Variants in C15orf39 observed in about 807,000 individuals in gnomAD.
The protein encoded by C15orf39 is PRMT2 interacting protein.
C15orf39 carries 24 observed loss-of-function variants against 53.9 expected under a neutral mutation model. That is an observed-to-expected ratio of 0.45 (90% CI 0.32 to 0.63). The LOEUF (loss-of-function observed/expected upper bound fraction) is 0.63, where lower values mean the gene tolerates loss of function less well. Ranked by LOEUF, C15orf39 falls within the 20% of genes least tolerant of loss-of-function variation. C15orf39 has a pLI of 0.04. For missense variants in C15orf39, 1,271 were observed against 1,347.9 expected, an observed-to-expected ratio of 0.94 and a Z score of 0.89; for synonymous variants, 569 against 576.5, an observed-to-expected ratio of 0.99 and a Z score of 0.19.
chr15:75,199,732 G>A (rs577914102), upstream of C15orf39, among the ~76,000 whole-genome samples: 1 of 152,144 alleles, frequency 6.6e-6, no homozygotes, highest in Non-Finnish European at 1.5e-5. Flanking sequence ...GTAGTGGTAG[G>A]GGTGGGGTGG....
intron 2 of C15orf39, among the ~76,000 whole-genome samples, 196 bp from the exon 3 acceptor site, chr15:75,210,549 CAGAT>C (rs2070475712): frequency 6.6e-6 from 1 of 152,216 alleles, no homozygotes; most frequent in African/African-American, 2.4e-5. Flanking sequence ...GTGCCCTCAT[CAGAT>C]AGAGTTCTGG....
At position 75,208,219 on chromosome 15, in the gene C15orf39, C is replaced by T. The variant is rs1390439318; in HGVS notation, c.2171C>T (p.Ala724Val). Residue 724 changes from alanine to valine, a missense_variant, in exon 2 of 3, where the codon GCT becomes GTT. Around this residue, in one of 2 missense-constraint regions of C15orf39, gnomAD observed 994 missense variants for 993.7 expected, o/e 1.00. Coordinates refer to ENST00000394987, the MANE Select transcript of C15orf39 (RefSeq NM_015492.5). ...VAVASPAPAP[A>V]PSPAPARAQA... ...GTGGCCTCCCCTGCCCCTGCTCCAG[C>T]TCCATCCCCTGCTCCGGCTCGAGCT... The T allele has an allele frequency of 6.2e-7, 1 of 1,613,374 alleles. No homozygotes were observed. The highest frequency in any genetic ancestry group is 8.5e-7 in the Non-Finnish European group (1 of 1,179,782).
chr15:75,202,031 G>A lies in C15orf39; in HGVS notation c.-79G>A, dbSNP rs2070405911. 1 of 152,084 alleles carries A rather than the reference G, an allele frequency of 6.6e-6. No homozygotes were observed. Among genetic ancestry groups the A allele is most frequent in the Non-Finnish European group, 1.5e-5 (1 of 68,014 alleles). The allele number at this position is 152,084 out of a possible 1,614,324, so 9.4% of individuals were successfully genotyped here. On this transcript the variant is annotated 5_prime_UTR_variant, in exon 1 of 3. Transcript: ENST00000394987. Reference sequence around the variant, plus strand: ...GCGGACGCGGAGGCCGCCTGGGGTAGCGGCGGCGGGAGTCCTGGCGCTCTG... The same window carrying A: ...GCGGACGCGGAGGCCGCCTGGGGTAACGGCGGCGGGAGTCCTGGCGCTCTG...
intron 1 of C15orf39, 95 bp downstream of exon 1, chr15:75,202,154 C>T (rs2070407583): frequency 6.6e-6 from 1 of 152,080 alleles, no homozygotes; most frequent in Admixed American, 6.5e-5. Flanking sequence ...CAGGGCGCCC[C>T]TACCGGCCGG....
At position 75,211,132 on chromosome 15, in the gene C15orf39, C is replaced by T. The variant is rs779053876; in HGVS notation, c.*16C>T. On this transcript the variant is annotated 3_prime_UTR_variant, in exon 3 of 3. Coordinates refer to ENST00000394987, the MANE Select transcript of C15orf39 (RefSeq NM_015492.5). ...TCACCTGTAGCACTGGTTGCCAGTGCTGTGTGTATAGCAGTCACTCTCCAC... is the reference window on the plus strand; with the variant it reads ...TCACCTGTAGCACTGGTTGCCAGTGTTGTGTGTATAGCAGTCACTCTCCAC... 1.3e-6 allele frequency: 2 copies of T among 1,585,956 alleles called. No individual in the cohort carries two copies. The highest frequency in any genetic ancestry group is 1.7e-6 in the Non-Finnish European group (2 of 1,172,152).
At position 75,207,998 on chromosome 15, in the gene C15orf39, G is replaced by A. The variant is rs2070453635; in HGVS notation, c.1950G>A (p.Met650Ile). The A allele has an allele frequency of 6.2e-7, 1 of 1,614,054 alleles. No individual in the cohort carries two copies. The highest frequency in any genetic ancestry group is 8.5e-7 in the Non-Finnish European group (1 of 1,180,034). ...ACTTCCACAGCTCTGTGGCCTTCAT[G>A]TTCCGAAAGTTCAAGATCCTCCGTC... ...RTNFHSSVAF[M>I]FRKFKILRPA... is the part of the protein sequence containing the mutation. Residue 650 changes from methionine to isoleucine, a missense_variant, in exon 2 of 3, where the codon ATG (methionine) becomes ATA (isoleucine). Coordinates refer to ENST00000394987, the MANE Select transcript of C15orf39 (RefSeq NM_015492.5).
intron 1 of C15orf39, among the ~76,000 whole-genome samples, chr15:75,204,364 G>A (rs959154863): frequency 1.3e-5 from 2 of 152,238 alleles, no homozygotes; most frequent in African/African-American, 2.4e-5. Context: ...CCTTGGTCTT[G>A]TCTTAGAGCT....
Position 75,208,611 on chromosome 15 carries a change from C to T in C15orf39, c.2563C>T (p.Pro855Ser). The T allele has an allele frequency of 1.3e-6, 2 of 1,586,622 alleles. No individual in the cohort carries two copies. The highest frequency in any genetic ancestry group is 1.7e-6 in the Non-Finnish European group (2 of 1,167,328). Residue 855 changes from proline to serine, a missense_variant, in exon 2 of 3, where the codon CCT becomes TCT. This residue lies in a region of C15orf39 where 277 missense variants were observed against 354.1 expected (regional missense o/e 0.78). Transcript: ENST00000394987. ...PIHLVKERLF[P>S]RLPPASVDHV... ...TCACCTGGTGAAGGAGCGGCTCTTCCCTCGGCTGCCACCCGCTTCTGTGGA... is the reference window on the plus strand; with the variant it reads ...TCACCTGGTGAAGGAGCGGCTCTTCTCTCGGCTGCCACCCGCTTCTGTGGA...
At position 75,207,473 on chromosome 15, in the gene C15orf39, A is replaced by G. The variant is rs755706572; in HGVS notation, c.1425A>G (p.Ala475=). The G allele has an allele frequency of 1.2e-6, 2 of 1,612,018 alleles. No individual in the cohort carries two copies. The highest frequency in any genetic ancestry group is 2.2e-5 in the East Asian group (1 of 44,766). ...RDSPVPCTPP[A]LPPCARECQS... ...GTCCAGTTCCCTGTACCCCCCCAGC[A>G]CTGCCCCCCTGTGCCCGGGAGTGCC... The change falls in exon 2 of 3, where the codon GCA becomes GCG. Residue 475 remains alanine (A), a synonymous_variant. Coordinates refer to ENST00000394987, the MANE Select transcript of C15orf39 (RefSeq NM_015492.5).
rs1021550700 is a variant in C15orf39 at position 75,208,221 on chromosome 15, C to T, written c.2173C>T (p.Pro725Ser). The change falls in exon 2 of 3, where the codon CCA becomes TCA. Residue 725 changes from proline (P) to serine (S), a missense_variant. Physicochemically the swap from Pro to Ser is moderately conservative, Grantham distance 74 (BLOSUM62 -1). Coordinates refer to ENST00000394987, the MANE Select transcript of C15orf39 (RefSeq NM_015492.5). ...GGCCTCCCCTGCCCCTGCTCCAGCT[C>T]CATCCCCTGCTCCGGCTCGAGCTCA... ...AVASPAPAPA[P>S]SPAPARAQAP... The T allele has an allele frequency of 1.2e-6, 2 of 1,613,006 alleles. No homozygotes were observed. The highest frequency in any genetic ancestry group is 2.7e-5 in the African/African-American group (2 of 74,888).
chr15:75,206,643 T>C lies in C15orf39; in HGVS notation c.595T>C (p.Ser199Pro). The change falls in exon 2 of 3, where the codon TCC becomes CCC. Residue 199 changes from serine (S) to proline (P), a missense_variant. By Grantham distance (74) the Ser-to-Pro change is moderately conservative. Transcript: ENST00000394987. The stretch of plus-strand genomic sequence containing the variant: ...CTTGCGGGGGGTGCCAGCTGAGGGG[T>C]CCAGTAAAGACTCCTCAGGGAGCTT... ...TFLRGVPAEG[S>P]SKDSSGSFSP... The C allele has an allele frequency of 1.1e-5, 17 of 1,613,038 alleles. No homozygotes were observed. The highest frequency in any genetic ancestry group is 1.4e-5 in the Non-Finnish European group (17 of 1,179,800).
At position 75,207,061 on chromosome 15, in the gene C15orf39, T is replaced by C. The variant is rs1377178303; in HGVS notation, c.1013T>C (p.Leu338Pro). The C allele has an allele frequency of 1.9e-6, 3 of 1,610,346 alleles. No homozygotes were observed. Among genetic ancestry groups the C allele is most frequent in the African/African-American group, 1.3e-5 (1 of 74,802 alleles). The change falls in exon 2 of 3, where the codon CTG (leucine) becomes CCG (proline). Residue 338 changes from leucine to proline, a missense_variant. Leu to Pro is a moderately conservative substitution (Grantham distance 98). Coordinates refer to ENST00000394987, the MANE Select transcript of C15orf39 (RefSeq NM_015492.5). ...GCCCAGGCACCTTACATTCCCCCAC[T>C]GGGGCTGGACGCTTACCCCTACCCC... The part of the protein sequence containing the change: ...QAAQAPYIPP[L>P]GLDAYPYPSA...
Position 75,210,783 on chromosome 15 carries a change from C to T in C15orf39, c.2811C>T (p.Ser937=). 1 of 1,613,262 alleles carries T rather than the reference C, an allele frequency of 6.2e-7. No individual in the cohort carries two copies. ...DFDTEAGAVS[S]SEPTVARGEP... Reference sequence around the variant, plus strand: ...ACACTGAGGCTGGAGCTGTGTCCTCCTCAGAGCCCACTGTGGCCAGAGGTG... The same window carrying T: ...ACACTGAGGCTGGAGCTGTGTCCTCTTCAGAGCCCACTGTGGCCAGAGGTG... The change falls in exon 3 of 3, where the codon TCC becomes TCT. Residue 937 remains serine, a synonymous_variant. Coordinates refer to ENST00000394987, the MANE Select transcript of C15orf39 (RefSeq NM_015492.5).
intron 1 of C15orf39, among the ~76,000 whole-genome samples, chr15:75,205,547 G>A (rs2070431445): frequency 6.6e-6 from 1 of 152,160 alleles, no homozygotes; most frequent in African/African-American, 2.4e-5. Flanking sequence ...GTCAGGAGCA[G>A]TAGGTGGTTC....
rs150714455 is a variant in C15orf39 at position 75,207,989 on chromosome 15, G to A, written c.1941G>A (p.Val647=). The change falls in exon 2 of 3, where the codon GTG becomes GTA. Residue 647 remains valine (V), a synonymous_variant. Coordinates refer to ENST00000394987, the MANE Select transcript of C15orf39 (RefSeq NM_015492.5). ...AMPRTNFHSS[V]AFMFRKFKIL... is the part of the protein sequence containing the mutation. ...CAAGGACCAACTTCCACAGCTCTGT[G>A]GCCTTCATGTTCCGAAAGTTCAAGA... 5.9e-5 allele frequency: 96 copies of A among 1,613,924 alleles called. No individual in the cohort carries two copies. The highest frequency in any genetic ancestry group is 6.9e-5 in the Non-Finnish European group (82 of 1,180,048).
chr15:75,200,770 CTCTATT>C (rs2070395825), upstream of C15orf39, among the ~76,000 whole-genome samples: 1 of 152,074 alleles, frequency 6.6e-6, no homozygotes. Context: ...TGGTTCCCGA[CTCTATT>C]TCTAAGGTCC....
chr15:75,205,531 G>C (rs896107223), intron 1 of C15orf39, among the ~76,000 whole-genome samples: 6 of 152,154 alleles, frequency 3.9e-5, no homozygotes, highest in African/African-American at 1.4e-4. Context: ...AAATATACGA[G>C]TTGGGGTCAG....
At chr15:75,203,504 C>G (rs1030466955) in intron 1 of C15orf39, among the ~76,000 whole-genome samples, 3 of 152,202 alleles carry the variant, frequency 2.0e-5, no homozygotes, top group African/African-American at 7.2e-5. Context: ...CTTTCCACCT[C>G]CTACTGGCAG....
In C15orf39 at chr15:75,207,486, G is replaced by A; in HGVS notation, c.1438G>A (p.Ala480Thr). 2 of 1,613,418 alleles carry A rather than the reference G, an allele frequency of 1.2e-6. No individual in the cohort carries two copies. Among genetic ancestry groups the A allele is most frequent in the Non-Finnish European group, 1.7e-6 (2 of 1,179,950 alleles). ...PCTPPALPPC[A>T]RECQSLPQKE... Reference sequence around the variant, plus strand: ...TACCCCCCCAGCACTGCCCCCCTGTGCCCGGGAGTGCCAGTCTCTTCCACA... The same window carrying A: ...TACCCCCCCAGCACTGCCCCCCTGTACCCGGGAGTGCCAGTCTCTTCCACA... Residue 480 changes from alanine to threonine, a missense_variant, in exon 2 of 3, where the codon GCC becomes ACC. Transcript: ENST00000394987.
Sources: gnomAD v4.1 joint callset for allele counts (sites outside exome capture counted in the v4.1 genomes callset) on GRCh38, gnomAD v4.1.1 for gene constraint, gnomAD v4.1.1 regional missense constraint, MANE v1.5 for transcripts, NCBI Gene and HGNC (gene_info 2026-07-23, HGNC 2026-07-21) for gene names.